HFM1: variants seen among roughly 807,000 people sequenced by gnomAD.
HFM1 encodes the protein helicase for meiosis 1.
HFM1 carries 169 observed loss-of-function variants against 192.1 expected under a neutral mutation model. The observed-to-expected ratio is 0.88, with a 90% CI of 0.78 to 1.00. The LOEUF is 1.00. Among genes scored for constraint, HFM1 ranks in the 50% least tolerant of loss-of-function variants. The pLI, the probability that HFM1 is intolerant of heterozygous loss-of-function variation, is 0.00. For synonymous variants in HFM1, 525 were observed against 537.8 expected, an observed-to-expected ratio of 0.98 and a Z score of 0.33; for missense variants, 1,661 against 1,668.0, an observed-to-expected ratio of 1.00 and a Z score of 0.07.
chr1:91,329,049 G>C (rs1653382559), intron 20 of HFM1: 14 of 1,610,942 alleles, frequency 8.7e-6, no homozygotes, highest in Non-Finnish European at 1.2e-5. Context: ...ACAGTTTGTG[G>C]ATCTGTGCAT....
At chr1:91,370,846 G>A (rs1232377230) in intron 13 of HFM1, among the ~76,000 whole-genome samples, 1 of 152,058 alleles carries the variant, frequency 6.6e-6, no homozygotes, top group Non-Finnish European at 1.5e-5. Flanking sequence ...AAAACCCCAT[G>A]TTCCCAGCGC....
intron 20 of HFM1, chr1:91,328,612 G>T (rs1028035271): frequency 6.3e-7 from 1 of 1,598,876 alleles, no homozygotes; most frequent in African/African-American, 1.3e-5. Context: ...GATGGAGAAC[G>T]GCATCAAGCC....
Position 91,267,728 on chromosome 1 carries a change from G to T in HFM1, c.3883+17C>A, listed in dbSNP as rs957627548. 6 of 1,076,002 alleles carry T rather than the reference G, an allele frequency of 5.6e-6. No individual in the cohort carries two copies. The highest frequency in any genetic ancestry group is 6.8e-6 in the Non-Finnish European group (5 of 740,310). 66.7% of individuals were successfully genotyped at this position (1,076,002 alleles called of 1,614,324 possible). A position where few individuals can be genotyped will look rare whatever the true frequency, so the allele number is the denominator to read the frequency against. On this transcript the variant is annotated intron_variant, in intron 35 of 38. Transcript: ENST00000370425. ...AGAATTCCTAATGAAATGATTGCAT[G>T]CTAAGTATGATTTTACCTGATATTT...
In HFM1 at chr1:91,319,154, A is replaced by G. The variant is rs1420564249; in HGVS notation, c.2736T>C (p.Ser912=). 1.2e-6 allele frequency: 2 copies of G among 1,610,782 alleles called. No homozygotes were observed. Among genetic ancestry groups the G allele is most frequent in the Non-Finnish European group, 1.7e-6 (2 of 1,178,992 alleles). Residue 912 remains serine, a synonymous_variant, in exon 25 of 39, where the codon AGT becomes AGC. Transcript: ENST00000370425. ...ACCTAAAACATTTAGCTAAAATCAA[A>G]CTATTCAATAGTACAGCAAACTTCT... The part of the protein sequence containing the change: ...QEKKFAVLLN[S]LILAKCFRCK...
At chr1:91,375,256 CT>C in intron 13 of HFM1, 101 bp downstream of exon 13, 1 of 728,072 alleles carries the variant, frequency 1.4e-6, no homozygotes, top group Middle Eastern at 4.0e-4. Context: ...GATGAGGACA[CT>C]GAGGTTTACC....
At chr1:91,292,744 A>C (rs1668923837) in intron 30 of HFM1, among the ~76,000 whole-genome samples, 3 of 152,164 alleles carry the variant, frequency 2.0e-5, no homozygotes, top group African/African-American at 7.2e-5. Flanking sequence ...CGTATCACCA[A>C]GTCAATCCTA....
In HFM1 at chr1:91,307,489, G is replaced by A. The variant is rs113345407; in HGVS notation, c.3391+5860C>T. ...TTATTTTGAGACAGGGTCTCGCTCT[G>A]TTACCCAGGCTGGAGTGCAGTAGTG... On this transcript the variant is annotated intron_variant, in intron 30 of 38. Coordinates refer to ENST00000370425, the MANE Select transcript of HFM1 (RefSeq NM_001017975.6). Among the ~76,000 whole-genome samples the A allele has an allele frequency of 2.3e-3, 352 of 152,128 alleles. 1 individual carries two copies. Among genetic ancestry groups the A allele is most frequent in the African/African-American group, 8.0e-3 (331 of 41,516 alleles).
chr1:91,365,879 GAAGTT>G (rs1370812012), intron 13 of HFM1, among the ~76,000 whole-genome samples: 1 of 149,480 alleles, frequency 6.7e-6, no homozygotes, highest in Non-Finnish European at 1.5e-5. Context: ...GAAGTTGAAA[GAAGTT>G]AAGTAATATG....
chr1:91,265,659 A>G (rs1020332366), intron 36 of HFM1, among the ~76,000 whole-genome samples: 3 of 152,222 alleles, frequency 2.0e-5, no homozygotes, highest in Non-Finnish European at 4.4e-5. Context: ...TTATCCCTTT[A>G]GAGATGCTTT....
chr1:91,357,627 T>A (rs1201374505), intron 13 of HFM1, among the ~76,000 whole-genome samples: 2 of 150,954 alleles, frequency 1.3e-5, no homozygotes, highest in Non-Finnish European at 3.0e-5. Context: ...AAGAAAAAAA[T>A]AAAAGGAATT....
intron 6 of HFM1, among the ~76,000 whole-genome samples, chr1:91,384,515 C>T (rs182997714): frequency 1.3e-5 from 2 of 152,174 alleles, no homozygotes; most frequent in Non-Finnish European, 2.9e-5. Context: ...CCCCAATCCA[C>T]ACAATATCCC....
At chr1:91,327,425 G>A (rs1431961330) in intron 20 of HFM1, among the ~76,000 whole-genome samples, 2 of 152,176 alleles carry the variant, frequency 1.3e-5, no homozygotes, top group Non-Finnish European at 2.9e-5. Context: ...GGCTGAGGTA[G>A]GAGGGTCACT....
chr1:91,374,720 T>C (rs1660694977), intron 13 of HFM1, among the ~76,000 whole-genome samples: 1 of 152,128 alleles, frequency 6.6e-6, no homozygotes, highest in South Asian at 2.1e-4. Flanking sequence ...TAACTGTTGG[T>C]AGACATACAA....
intron 2 of HFM1, among the ~76,000 whole-genome samples, chr1:91,399,015 T>C (rs1427052316): frequency 6.6e-6 from 1 of 151,478 alleles, no homozygotes; most frequent in African/African-American, 2.4e-5. Context: ...CATTCAAAGA[T>C]ATTTACTCAG....
chr1:91,351,057 T>TC (rs1380899380), intron 17 of HFM1, among the ~76,000 whole-genome samples, 186 bp from the exon 18 acceptor site: 4 of 151,964 alleles, frequency 2.6e-5, no homozygotes, highest in African/African-American at 9.7e-5. Flanking sequence ...CAGATATACC[T>TC]CTCTACTCTA....
chr1:91,335,199 G>T (rs953564118), intron 20 of HFM1, among the ~76,000 whole-genome samples: 8 of 152,136 alleles, frequency 5.3e-5, no homozygotes, highest in African/African-American at 1.9e-4. Flanking sequence ...TCTCAATTAG[G>T]ATCCTGGTGA....
chr1:91,291,999 C>T (rs1668820569), intron 30 of HFM1, among the ~76,000 whole-genome samples: 1 of 152,162 alleles, frequency 6.6e-6, no homozygotes, highest in South Asian at 2.1e-4. Context: ...CAAAATTCAA[C>T]AACACTTCAT....
At chr1:91,374,542 C>T (rs1053146520) in intron 13 of HFM1, among the ~76,000 whole-genome samples, 9 of 152,110 alleles carry the variant, frequency 5.9e-5, no homozygotes, top group African/African-American at 1.9e-4. Flanking sequence ...TAAGAATAAA[C>T]AGGACTTCGT....
intron 34 of HFM1, among the ~76,000 whole-genome samples, 189 bp downstream of exon 34, chr1:91,273,523 A>G (rs1666512910): frequency 6.6e-6 from 1 of 152,116 alleles, no homozygotes; most frequent in Non-Finnish European, 1.5e-5. Context: ...AAAAAGTACA[A>G]CAAACAGAGT....
Sources: gnomAD v4.1 joint callset for allele counts (sites outside exome capture counted in the v4.1 genomes callset) on GRCh38, gnomAD v4.1.1 for gene constraint, MANE v1.5 for transcripts, NCBI Gene and HGNC (gene_info 2026-07-23, HGNC 2026-07-21) for gene names.